The following TNR variants were observed in gnomAD, a reference collection of about 807,000 sequenced individuals.
The protein encoded by TNR is tenascin R.
TNR carries 45 observed loss-of-function variants against 150.4 expected under a neutral mutation model. The observed-to-expected ratio is 0.30, with a 90% CI of 0.24 to 0.38. The LOEUF (loss-of-function observed/expected upper bound fraction) is 0.38. Ranked by LOEUF, TNR falls within the 10% of genes least tolerant of loss-of-function variation. The pLI is 1.00. For missense variants in TNR, 1,544 were observed against 1,759.1 expected, an observed-to-expected ratio of 0.88 and a Z score of 2.19; for synonymous variants, 687 against 678.4, an observed-to-expected ratio of 1.01 and a Z score of -0.20.
intron 7 of TNR, among the ~76,000 whole-genome samples, chr1:175,390,821 C>T (rs1653135228): frequency 6.6e-6 from 1 of 152,200 alleles, no homozygotes. Context: ...TTTATCTAAT[C>T]CCATCCTCAT....
intron 2 of TNR, among the ~76,000 whole-genome samples, chr1:175,483,960 C>A (rs1314940247): frequency 6.6e-6 from 1 of 152,190 alleles, no homozygotes; most frequent in African/African-American, 2.4e-5. Flanking sequence ...ACTACCCTAA[C>A]CCTCACATCG....
chr1:175,354,181 C>G (rs1651206254), intron 18 of TNR, among the ~76,000 whole-genome samples: 1 of 152,170 alleles, frequency 6.6e-6, no homozygotes, highest in Non-Finnish European at 1.5e-5. Context: ...TTTAATTGGT[C>G]CGGGTGGATC....
At chr1:175,395,023 A>G in intron 5 of TNR, among the ~76,000 whole-genome samples, 1 of 151,982 alleles carries the variant, frequency 6.6e-6, no homozygotes, top group Non-Finnish European at 1.5e-5. Flanking sequence ...ATCATTGCAG[A>G]TATTTAAAAC....
Position 175,316,955 on chromosome 1 carries a change from T to C in TNR, c.*6402A>G, listed in dbSNP as rs552454662. ...AAATCCAAGATGGTGGTCACTCAGCTAAATAAATATAAAGAGCAGCCTCAT... is the reference window on the plus strand; with the variant it reads ...AAATCCAAGATGGTGGTCACTCAGCCAAATAAATATAAAGAGCAGCCTCAT... On this transcript the variant is annotated 3_prime_UTR_variant, in exon 23 of 23. Coordinates refer to ENST00000367674, the MANE Select transcript of TNR (RefSeq NM_003285.3). 6.6e-6 allele frequency: 1 copy of C among 152,158 alleles called. No homozygotes were observed. Among genetic ancestry groups the C allele is most frequent in the South Asian group, 2.1e-4 (1 of 4,816 alleles). The allele number at this position is 152,158 out of a possible 1,614,324, so 9.4% of individuals were successfully genotyped here.
intron 1 of TNR, among the ~76,000 whole-genome samples, chr1:175,591,290 T>C (rs988025084): frequency 2.6e-5 from 4 of 152,172 alleles, no homozygotes; most frequent in African/African-American, 9.7e-5. Flanking sequence ...TAATCCCAAC[T>C]GACTCTCCTT....
chr1:175,413,978 C>T (rs1349389617), intron 2 of TNR, among the ~76,000 whole-genome samples: 1 of 152,060 alleles, frequency 6.6e-6, no homozygotes, highest in Non-Finnish European at 1.5e-5. Flanking sequence ...ACAAAAATTA[C>T]AAAAATTAGC....
At chr1:175,368,875 G>T (rs1351556960) in intron 9 of TNR, among the ~76,000 whole-genome samples, 2 of 152,148 alleles carry the variant, frequency 1.3e-5, no homozygotes, top group Admixed American at 6.5e-5. Flanking sequence ...CTTGAACCTG[G>T]GAGGCTGAGG....
chr1:175,375,961 A>T (rs1173965704), intron 9 of TNR, among the ~76,000 whole-genome samples: 1 of 152,208 alleles, frequency 6.6e-6, no homozygotes, highest in Non-Finnish European at 1.5e-5. Context: ...AGTGCAGGAA[A>T]TTTAAGAAAT....
intron 1 of TNR, among the ~76,000 whole-genome samples, chr1:175,700,604 G>A (rs1366028096): frequency 6.6e-6 from 1 of 152,170 alleles, no homozygotes; most frequent in Non-Finnish European, 1.5e-5. Context: ...CCAAGCTCAT[G>A]TCCAGCCTCC....
At chr1:175,515,675 G>T (rs903809207) in intron 2 of TNR, among the ~76,000 whole-genome samples, 2 of 152,212 alleles carry the variant, frequency 1.3e-5, no homozygotes, top group Admixed American at 6.5e-5. Flanking sequence ...CAGTGAAAAT[G>T]GTTAGTGAGT....
intron 2 of TNR, among the ~76,000 whole-genome samples, chr1:175,522,050 C>T (rs1443981190): frequency 6.6e-6 from 1 of 152,176 alleles, no homozygotes; most frequent in African/African-American, 2.4e-5. Context: ...CTTAACTATG[C>T]CTTCTACTCC....
chr1:175,557,639 T>A (rs1433123656), intron 1 of TNR, among the ~76,000 whole-genome samples: 2 of 151,178 alleles, frequency 1.3e-5, no homozygotes, highest in Non-Finnish European at 2.9e-5. Flanking sequence ...CTGGAGAGGA[T>A]GTGGAGAAAT....
chr1:175,363,625 T>A lies in TNR; in HGVS notation c.2707+83A>T. 4.0e-6 allele frequency: 6 copies of A among 1,487,654 alleles called. No homozygotes were observed. The South Asian group carries it at 4.2e-5, about 10-fold the overall frequency. 92.2% of individuals were successfully genotyped at this position (1,487,654 alleles called of 1,614,324 possible). On this transcript the variant is annotated intron_variant, in intron 13 of 22. Coordinates refer to ENST00000367674, the MANE Select transcript of TNR (RefSeq NM_003285.3). ...AGAAGAGGAAAAACGCAGGCAGGAG[T>A]GGATGTTCTGCGGGATATGCTAGTT...
chr1:175,562,843 G>C (rs1473886851), intron 1 of TNR, among the ~76,000 whole-genome samples: 2 of 152,210 alleles, frequency 1.3e-5, no homozygotes, highest in Non-Finnish European at 2.9e-5. Context: ...AACACCAGAA[G>C]TAAAACATCT....
intron 20 of TNR, among the ~76,000 whole-genome samples, chr1:175,333,920 G>C (rs911903436): frequency 6.6e-6 from 1 of 152,216 alleles, no homozygotes; most frequent in Non-Finnish European, 1.5e-5. Context: ...AGTGCTCCTG[G>C]CAGAGGAAGC....
In TNR at chr1:175,498,909, G is replaced by T. The variant is rs79610241; in HGVS notation, c.-64+29360C>A. On this transcript the variant is annotated intron_variant, in intron 2 of 22. Transcript: ENST00000367674. ...GTGGTTGTAGTTGCATTTGATGATA[G>T]CATTAAACTGTTTGCTCTGCCTTCT... 5.9e-5 allele frequency among the ~76,000 whole-genome samples: 9 copies of T among 152,304 alleles called. No individual in the cohort carries two copies. In the East Asian group the frequency reaches 1.7e-3, roughly 29 times the overall value.
intron 2 of TNR, among the ~76,000 whole-genome samples, chr1:175,431,678 G>A (rs1030925947): frequency 6.6e-6 from 1 of 151,578 alleles, no homozygotes; most frequent in Non-Finnish European, 1.5e-5. Context: ...TCAGGCAGAG[G>A]AGGAAGAACC....
intron 1 of TNR, among the ~76,000 whole-genome samples, chr1:175,715,218 G>A (rs543061437): frequency 1.3e-5 from 2 of 152,326 alleles, no homozygotes; most frequent in African/African-American, 4.8e-5. Context: ...GGGCTGGAAG[G>A]GAGTAGTGAC....
chr1:175,575,973 G>C (rs962521159), intron 1 of TNR, among the ~76,000 whole-genome samples: 2 of 152,188 alleles, frequency 1.3e-5, no homozygotes, highest in African/African-American at 4.8e-5. Context: ...TAGGGGCTGC[G>C]ATTCGAGACA....
Sources: allele counts gnomAD v4.1 joint callset (sites outside exome capture counted in the v4.1 genomes callset), GRCh38; gene constraint gnomAD v4.1.1; transcripts MANE v1.5; gene names NCBI Gene and HGNC (gene_info 2026-07-23, HGNC 2026-07-21).